FAM168A: variants seen among roughly 807,000 people sequenced by gnomAD.
FAM168A encodes the protein protein FAM168A.
FAM168A carries 3 observed loss-of-function variants against 28.5 expected under a neutral mutation model. The ratio of observed to expected loss-of-function variants is 0.11; its 90% CI spans 0.05 to 0.27. FAM168A has a LOEUF of 0.27. Among genes scored for constraint, FAM168A ranks in the 10% least tolerant of loss-of-function variants. The pLI is 1.00. For missense variants in FAM168A, 222 were observed against 311.5 expected (o/e 0.71, Z 2.16); for synonymous variants, 122 against 124.2 (o/e 0.98, Z 0.12).
intron 1 of FAM168A, among the ~76,000 whole-genome samples, chr11:73,476,842 G>A (rs1369139953): frequency 1.3e-5 from 2 of 152,218 alleles, no homozygotes; most frequent in East Asian, 3.9e-4. Context: ...TGAGCTGGCA[G>A]AAGAAAGAAT....
At chr11:73,440,433 G>T (rs1261941526) in intron 2 of FAM168A, among the ~76,000 whole-genome samples, 1 of 152,160 alleles carries the variant, frequency 6.6e-6, no homozygotes, top group Non-Finnish European at 1.5e-5. Flanking sequence ...ACCGCTGCTT[G>T]AGCACAAGAG....
At chr11:73,454,553 C>A (rs1268032512) in intron 2 of FAM168A, among the ~76,000 whole-genome samples, 1 of 152,166 alleles carries the variant, frequency 6.6e-6, no homozygotes, top group Non-Finnish European at 1.5e-5. Context: ...AGGCCCCTGG[C>A]GAAACCCCAC....
intron 1 of FAM168A, among the ~76,000 whole-genome samples, chr11:73,565,698 C>G (rs898423113): frequency 6.6e-6 from 1 of 152,142 alleles, no homozygotes; most frequent in African/African-American, 2.4e-5. Flanking sequence ...CTTCTAACTT[C>G]ATAAAGAGCA....
intron 2 of FAM168A, among the ~76,000 whole-genome samples, chr11:73,442,951 A>G: frequency 1.7e-5 from 1 of 59,168 alleles, no homozygotes; most frequent in East Asian, 5.5e-4. Context: ...TTATATATAC[A>G]AAGGATATAT....
intron 1 of FAM168A, among the ~76,000 whole-genome samples, chr11:73,557,565 T>C (rs1461613200): frequency 6.6e-6 from 1 of 152,170 alleles, no homozygotes; most frequent in African/African-American, 2.4e-5. Flanking sequence ...CCTGTATTCA[T>C]GAATTGGAAA....
chr11:73,524,901 A>G (rs1364272397), intron 1 of FAM168A, among the ~76,000 whole-genome samples: 1 of 152,164 alleles, frequency 6.6e-6, no homozygotes, highest in African/African-American at 2.4e-5. Context: ...CATCCAGCCT[A>G]CTTTCAATAC....
At chr11:73,558,717 G>A (rs1943918656) in intron 1 of FAM168A, among the ~76,000 whole-genome samples, 1 of 151,874 alleles carries the variant, frequency 6.6e-6, no homozygotes, top group Non-Finnish European at 1.5e-5. Flanking sequence ...AATCATTAGA[G>A]AAATACAAGT....
chr11:73,482,788 G>A lies in FAM168A; in HGVS notation c.-18-14296C>T, dbSNP rs562994166. On this transcript the variant is annotated intron_variant, in intron 1 of 7. Transcript: ENST00000356467. ...GAGTCTCGCTCTGTCACCCGGGCTG[G>A]AATGCAATGGCGCAATTTCAGCTCA... Among the ~76,000 whole-genome samples the A allele has an allele frequency of 7.9e-5, 12 of 152,246 alleles. No homozygotes were observed. In the East Asian group the frequency reaches 2.3e-3, roughly 29 times the overall value.
intron 2 of FAM168A, among the ~76,000 whole-genome samples, chr11:73,433,574 G>A (rs1295423457): frequency 1.3e-5 from 2 of 151,710 alleles, no homozygotes; most frequent in Non-Finnish European, 2.9e-5. Context: ...TATGAGGTAG[G>A]GGTATACATA....
At chr11:73,430,858 G>A (rs893856816) in intron 2 of FAM168A, 88 bp from the exon 3 acceptor site, 10 of 1,089,096 alleles carry the variant, frequency 9.2e-6, no homozygotes, top group Non-Finnish European at 1.3e-5. Context: ...AGATTTTTGA[G>A]GAAATAGAAT....
intron 1 of FAM168A, among the ~76,000 whole-genome samples, chr11:73,554,909 T>TAA (rs975973229): frequency 2.0e-5 from 3 of 152,114 alleles, no homozygotes; most frequent in Non-Finnish European, 4.4e-5. Context: ...GACCCACTGC[T>TAA]AAAATCCATA....
chr11:73,438,121 A>G (rs1590775403), intron 2 of FAM168A, among the ~76,000 whole-genome samples: 1 of 152,178 alleles, frequency 6.6e-6, no homozygotes, highest in South Asian at 2.1e-4. Context: ...CATCATCGTC[A>G]TCATCATCAT....
intron 2 of FAM168A, among the ~76,000 whole-genome samples, chr11:73,459,511 GA>G (rs927226835): frequency 6.9e-5 from 10 of 145,524 alleles, no homozygotes; most frequent in South Asian, 2.2e-4. Context: ...AAAGGAAAAA[GA>G]AAAAAAAAAG....
At chr11:73,446,430 T>C (rs1867315968) in intron 2 of FAM168A, among the ~76,000 whole-genome samples, 2 of 152,130 alleles carry the variant, frequency 1.3e-5, no homozygotes, top group South Asian at 2.1e-4. Context: ...TGTTTAGAAA[T>C]GCCCAAGAAC....
intron 1 of FAM168A, among the ~76,000 whole-genome samples, chr11:73,590,308 A>T (rs1451290077): frequency 1.3e-5 from 2 of 152,094 alleles, no homozygotes; most frequent in African/African-American, 4.8e-5. Context: ...GAGGCTGAGG[A>T]TGGAGGATCA....
At chr11:73,502,458 C>T (rs779809324) in intron 1 of FAM168A, among the ~76,000 whole-genome samples, 7 of 152,146 alleles carry the variant, frequency 4.6e-5, no homozygotes, top group African/African-American at 7.2e-5. Context: ...GAACTCAGAT[C>T]CCTGAATAGA....
At chr11:73,456,548 GA>G (rs111692966) in intron 2 of FAM168A, among the ~76,000 whole-genome samples, 11 of 148,276 alleles carry the variant, frequency 7.4e-5, no homozygotes, top group South Asian at 2.1e-4. Flanking sequence ...GCCAGAAAAA[GA>G]AAAAAAAAAT....
rs1465410210 is a variant in FAM168A, at chr11:73,426,196, T to C, written c.151+4494A>G. On this transcript the variant is annotated intron_variant, in intron 3 of 7. Coordinates refer to ENST00000356467, the MANE Select transcript of FAM168A (RefSeq NM_015159.3). Reference sequence around the variant, plus strand: ...CTGTTTATCCGTCCCTTCATTTATTTTCAAGCCAGATTACCATTAATAGGT... The same window carrying C: ...CTGTTTATCCGTCCCTTCATTTATTCTCAAGCCAGATTACCATTAATAGGT... 4.6e-5 allele frequency among the ~76,000 whole-genome samples: 7 copies of C among 152,246 alleles called. No homozygotes were observed. The East Asian group carries it at 1.3e-3, about 29-fold the overall frequency.
At chr11:73,501,353 G>A (rs550427176) in intron 1 of FAM168A, among the ~76,000 whole-genome samples, 10 of 152,136 alleles carry the variant, frequency 6.6e-5, no homozygotes, top group Non-Finnish European at 1.3e-4. Context: ...CCTGGTAGAC[G>A]TCTACAGAAC....
Sources: allele counts gnomAD v4.1 joint callset (sites outside exome capture counted in the v4.1 genomes callset), GRCh38; gene constraint gnomAD v4.1.1; transcripts MANE v1.5; gene names NCBI Gene and HGNC (gene_info 2026-07-23, HGNC 2026-07-21).